Variants in RAB11FIP4 observed in about 807,000 individuals in gnomAD.
RAB11FIP4 encodes the protein RAB11 family interacting protein 4.
A neutral mutation model predicts 74.3 loss-of-function variants in RAB11FIP4; 23 were observed. The observed-to-expected ratio is 0.31, with a 90% CI of 0.22 to 0.44. The LOEUF is 0.44. RAB11FIP4 is among the 20% of genes least tolerant of loss of function. The pLI, the probability that RAB11FIP4 is intolerant of heterozygous loss-of-function variation, is 1.00. For missense variants in RAB11FIP4, 630 were observed against 863.9 expected (o/e 0.73, Z 3.39); for synonymous variants, 360 against 359.9 (o/e 1.00, Z 0.00).
intron 1 of RAB11FIP4, among the ~76,000 whole-genome samples, chr17:31,419,651 CG>C (rs2071180868): frequency 6.6e-6 from 1 of 151,220 alleles, no homozygotes; most frequent in Non-Finnish European, 1.5e-5. Context: ...CCCGGGTTCA[CG>C]CCATTCTCCT....
intron 3 of RAB11FIP4, among the ~76,000 whole-genome samples, chr17:31,442,907 C>G (rs1454037212): frequency 6.7e-6 from 1 of 150,196 alleles, no homozygotes; most frequent in African/African-American, 2.5e-5. Flanking sequence ...TTGCAGTGAG[C>G]TGAGATCGTG....
At chr17:31,396,627 G>T (rs182437346) in intron 1 of RAB11FIP4, among the ~76,000 whole-genome samples, 1 of 152,242 alleles carries the variant, frequency 6.6e-6, no homozygotes, top group East Asian at 1.9e-4. Context: ...TCTGGCACCG[G>T]CCTCTGTGTG....
intron 1 of RAB11FIP4, chr17:31,431,557 GC>G: frequency 2.3e-6 from 1 of 435,256 alleles, no homozygotes; most frequent in Non-Finnish European, 4.1e-6. Flanking sequence ...AGGAGGCTCG[GC>G]CCCTGAAGCC....
At chr17:31,506,511 T>C (rs1262816615) in intron 3 of RAB11FIP4, among the ~76,000 whole-genome samples, 1 of 152,232 alleles carries the variant, frequency 6.6e-6, no homozygotes, top group Non-Finnish European at 1.5e-5. Context: ...TATAGCTTCG[T>C]GCCTGTTGAC....
chr17:31,528,322 C>A, intron 11 of RAB11FIP4, 84 bp from the exon 12 acceptor site: 1 of 1,488,928 alleles, frequency 6.7e-7, no homozygotes. Context: ...GTGAAGATGG[C>A]TGACCAGACC....
rs937355135 is a variant in RAB11FIP4 at position 31,503,714 on chromosome 17, C to T, written c.337-13937C>T. On this transcript the variant is annotated intron_variant, in intron 3 of 14. Transcript: ENST00000621161. The stretch of plus-strand genomic sequence containing the variant: ...CTGATCATTTGAAACCAAGACTGCT[C>T]GTCGTTCTGTTCTCATTTCATCCTT... Among the ~76,000 whole-genome samples the T allele has an allele frequency of 4.0e-5, 6 of 149,774 alleles. 1 individual carries two copies. The highest frequency in any genetic ancestry group is 2.1e-4 in the South Asian group (1 of 4,832).
intron 3 of RAB11FIP4, among the ~76,000 whole-genome samples, chr17:31,508,323 C>T (rs2072390618): frequency 6.6e-6 from 1 of 152,210 alleles, no homozygotes; most frequent in Non-Finnish European, 1.5e-5. Flanking sequence ...TGGCTTTTCC[C>T]ACACCCCACA....
intron 3 of RAB11FIP4, among the ~76,000 whole-genome samples, chr17:31,482,158 G>A (rs1361517651): frequency 6.6e-6 from 1 of 152,206 alleles, no homozygotes; most frequent in Non-Finnish European, 1.5e-5. Flanking sequence ...CAGGCCTCCT[G>A]CATCTTCACT....
In RAB11FIP4 at chr17:31,537,050, T is replaced by A. The variant is rs1027977462; in HGVS notation, c.*5318T>A. 2 of 399,272 alleles carry A rather than the reference T, an allele frequency of 5.0e-6. No individual in the cohort carries two copies. Among genetic ancestry groups the A allele is most frequent in the Non-Finnish European group, 8.8e-6 (2 of 226,260 alleles). The allele number at this position is 399,272 out of a possible 1,614,324, so 24.7% of individuals were successfully genotyped here. On this transcript the variant is annotated 3_prime_UTR_variant, in exon 15 of 15. Coordinates refer to ENST00000621161, the MANE Select transcript of RAB11FIP4 (RefSeq NM_032932.6). ...GATCCAAGTGCTGTTGTCCCCAGGG[T>A]GACCCTGCCTCCTGCTGGGGCCCAT...
At chr17:31,398,072 C>T (rs972482244) in intron 1 of RAB11FIP4, among the ~76,000 whole-genome samples, 5 of 151,382 alleles carry the variant, frequency 3.3e-5, no homozygotes, top group Admixed American at 1.3e-4. Flanking sequence ...TTTTTTGAGA[C>T]GGAGTCTCAC....
chr17:31,445,161 C>T (rs963758173), intron 3 of RAB11FIP4, among the ~76,000 whole-genome samples: 14 of 152,180 alleles, frequency 9.2e-5, no homozygotes, highest in African/African-American at 2.7e-4. Flanking sequence ...GAGTAGATCA[C>T]TTTTACTAAA....
At chr17:31,524,234 T>C (rs1380000436) in intron 9 of RAB11FIP4, 2 of 496,334 alleles carry the variant, frequency 4.0e-6, no homozygotes, top group African/African-American at 1.9e-5. Context: ...TTCTACCCCC[T>C]GAGGTCTGAA....
At chr17:31,530,182 C>T in intron 13 of RAB11FIP4, 144 bp from the exon 14 acceptor site, 1 of 1,087,084 alleles carries the variant, frequency 9.2e-7, no homozygotes, top group Non-Finnish European at 1.4e-6. Context: ...GCTGCAACAT[C>T]TATGGCCCCT....
intron 3 of RAB11FIP4, among the ~76,000 whole-genome samples, chr17:31,492,849 C>T (rs1405158057): frequency 2.8e-5 from 3 of 108,022 alleles, no homozygotes; most frequent in Non-Finnish European, 5.8e-5. Flanking sequence ...GCTGAGCCCC[C>T]CTCAAGAGCA....
At position 31,459,586 on chromosome 17, in the gene RAB11FIP4, T is replaced by A. The variant is rs529012214; in HGVS notation, c.336+25464T>A. ...ACCAAAACCTTTCTGCAGCTTCCAC[T>A]CCCACGCCTGATGGGTTAACTCAGG... On this transcript the variant is annotated intron_variant, in intron 3 of 14. Coordinates refer to ENST00000621161, the MANE Select transcript of RAB11FIP4 (RefSeq NM_032932.6). 2.0e-5 allele frequency among the ~76,000 whole-genome samples: 3 copies of A among 152,276 alleles called. No homozygotes were observed. In the East Asian group the frequency reaches 5.8e-4, roughly 29 times the overall value.
intron 3 of RAB11FIP4, among the ~76,000 whole-genome samples, chr17:31,482,112 G>C (rs1162266041): frequency 6.6e-6 from 1 of 152,192 alleles, no homozygotes; most frequent in Non-Finnish European, 1.5e-5. Context: ...CAGGGGAGGA[G>C]TCTGAGGCCC....
chr17:31,457,867 C>A (rs28463848), intron 3 of RAB11FIP4, among the ~76,000 whole-genome samples: 17,950 of 152,092 alleles, frequency 0.12, 1,346 homozygotes, highest in Admixed American at 0.23. Context: ...TTCCCCTCCC[C>A]GCTCTGTCTC....
intron 3 of RAB11FIP4, among the ~76,000 whole-genome samples, chr17:31,455,216 G>C (rs1400473859): frequency 1.3e-5 from 2 of 152,152 alleles, no homozygotes; most frequent in African/African-American, 4.8e-5. Flanking sequence ...ATAAGTTGTG[G>C]GCAAGTAACT....
chr17:31,475,772 G>C (rs140962075), intron 3 of RAB11FIP4, among the ~76,000 whole-genome samples: 1 of 149,812 alleles, frequency 6.7e-6, no homozygotes, highest in Non-Finnish European at 1.5e-5. Context: ...GGTCTAGTTA[G>C]TGCCACGTTT....
Sources: allele counts gnomAD v4.1 joint callset (sites outside exome capture counted in the v4.1 genomes callset), GRCh38; gene constraint gnomAD v4.1.1; transcripts MANE v1.5; gene names NCBI Gene and HGNC (gene_info 2026-07-23, HGNC 2026-07-21).